Variants in CSMD1 observed in about 807,000 individuals in gnomAD.
The protein encoded by CSMD1 is CUB and sushi domain-containing protein 1.
Under a neutral mutation model 417.5 loss-of-function variants are expected in CSMD1, and 213 were observed. The ratio of observed to expected loss-of-function variants is 0.51; its 90% CI spans 0.46 to 0.57. The LOEUF is 0.57. Ranked by LOEUF, CSMD1 falls within the 20% of genes least tolerant of loss-of-function variation. CSMD1 has a pLI of 0.00. For missense variants in CSMD1, 6,923 were observed against 4,529.7 expected (o/e 1.53, Z -15.17); for synonymous variants, 2,862 against 1,736.8 (o/e 1.65, Z -16.11).
chr8:3,616,767 T>G lies in CSMD1; in HGVS notation c.1040A>C (p.Asp347Ala). The stretch of plus-strand genomic sequence containing the variant: ...TGGAATCCCAGGATCTGGACACATG[T>G]CAGAGACCAATGCAACACCTCCTTG... The part of the protein sequence containing the change: ...LSQGGVALVS[D>A]MCPDPGIPEN... The change falls in exon 8 of 70, where the codon GAC becomes GCC. Residue 347 changes from aspartate to alanine, a missense_variant. Asp to Ala is a moderately radical substitution (Grantham distance 126). Transcript: ENST00000635120. The G allele has an allele frequency of 1.2e-6, 2 of 1,612,474 alleles. No homozygotes were observed. Among genetic ancestry groups the G allele is most frequent in the Non-Finnish European group, 1.7e-6 (2 of 1,179,132 alleles).
At position 4,554,214 on chromosome 8, in the gene CSMD1, G is replaced by A. The variant is rs150275865; in HGVS notation, c.302+83128C>T. ...TGCAGTGGAGAAATCTCGGCTCACT[G>A]CAACCTATGCTTCCCGGGTTCAAGT... On this transcript the variant is annotated intron_variant, in intron 2 of 69. Coordinates refer to ENST00000635120, the MANE Select transcript of CSMD1 (RefSeq NM_033225.6). 4.6e-5 allele frequency among the ~76,000 whole-genome samples: 7 copies of A among 152,206 alleles called. No individual in the cohort carries two copies. The East Asian group carries it at 1.4e-3, about 29-fold the overall frequency.
intron 2 of CSMD1, among the ~76,000 whole-genome samples, chr8:4,587,637 G>T (rs945570967): frequency 1.3e-5 from 2 of 152,158 alleles, no homozygotes; most frequent in South Asian, 2.1e-4. Context: ...TCATGATCAC[G>T]ATCTCATTTA....
At chr8:4,164,660 T>C (rs13280168) in intron 3 of CSMD1, among the ~76,000 whole-genome samples, 58,759 of 151,924 alleles carry the variant, frequency 0.39, 11,595 homozygotes, top group Middle Eastern at 0.5. Context: ...CAAGACACGA[T>C]TGAATTTTGA....
chr8:4,633,093 C>T (rs190446877), intron 2 of CSMD1, among the ~76,000 whole-genome samples: 102 of 152,172 alleles, frequency 6.7e-4, no homozygotes, highest in African/African-American at 2.2e-3. Context: ...TCAGTGTTCC[C>T]GAGAGGGGAG....
At chr8:4,123,796 A>C (rs1802614690) in intron 3 of CSMD1, among the ~76,000 whole-genome samples, 1 of 152,170 alleles carries the variant, frequency 6.6e-6, no homozygotes, top group Non-Finnish European at 1.5e-5. Flanking sequence ...ACCCAAAATA[A>C]AATATAATAG....
chr8:3,502,688 G>C (rs1796656791), intron 10 of CSMD1, among the ~76,000 whole-genome samples: 1 of 152,206 alleles, frequency 6.6e-6, no homozygotes, highest in South Asian at 2.1e-4. Flanking sequence ...AAAAAGATTA[G>C]TGATTGTTAG....
intron 18 of CSMD1, among the ~76,000 whole-genome samples, chr8:3,374,745 A>G (rs969498948): frequency 6.6e-6 from 1 of 152,242 alleles, no homozygotes; most frequent in Admixed American, 6.5e-5. Context: ...AACTCATTCC[A>G]GGATCCTACG....
chr8:4,901,742 T>C (rs1261712352), intron 1 of CSMD1, among the ~76,000 whole-genome samples: 1 of 152,180 alleles, frequency 6.6e-6, no homozygotes, highest in Non-Finnish European at 1.5e-5. Flanking sequence ...CATATTAGCA[T>C]AGAGGACGGT....
intron 69 of CSMD1, among the ~76,000 whole-genome samples, chr8:2,939,484 T>C (rs1400366562): frequency 1.3e-5 from 2 of 152,220 alleles, no homozygotes; most frequent in African/African-American, 4.8e-5. Flanking sequence ...GATTAGAGAA[T>C]TAGAGGATTT....
At chr8:4,927,656 C>T (rs528575269) in intron 1 of CSMD1, among the ~76,000 whole-genome samples, 3 of 152,288 alleles carry the variant, frequency 2.0e-5, no homozygotes, top group East Asian at 3.9e-4. Flanking sequence ...GGTATAATTA[C>T]TCAGGTAAGT....
chr8:3,944,277 G>C (rs1159663511), intron 5 of CSMD1, among the ~76,000 whole-genome samples: 1 of 152,112 alleles, frequency 6.6e-6, no homozygotes, highest in East Asian at 1.9e-4. Context: ...GCAAAGTAGA[G>C]AAATCAAACC....
intron 1 of CSMD1, among the ~76,000 whole-genome samples, chr8:4,888,635 A>G (rs576430439): frequency 1.3e-5 from 2 of 152,186 alleles, no homozygotes; most frequent in East Asian, 3.9e-4. Flanking sequence ...AAATTGGTAA[A>G]CAGATCTTCA....
At chr8:3,831,529 C>A (rs1802376388) in intron 5 of CSMD1, among the ~76,000 whole-genome samples, 1 of 152,084 alleles carries the variant, frequency 6.6e-6, no homozygotes, top group African/African-American at 2.4e-5. Flanking sequence ...GGAGAACAGG[C>A]TGGAGGAAAA....
At chr8:3,823,863 A>T in intron 5 of CSMD1, among the ~76,000 whole-genome samples, 1 of 152,282 alleles carries the variant, frequency 6.6e-6, no homozygotes, top group Middle Eastern at 3.4e-3. Flanking sequence ...ACTTAATTTA[A>T]ATACTTTTCT....
intron 3 of CSMD1, among the ~76,000 whole-genome samples, chr8:4,107,562 G>A (rs1000918608): frequency 6.6e-6 from 1 of 152,182 alleles, no homozygotes; most frequent in Non-Finnish European, 1.5e-5. Context: ...AGTAGCACCT[G>A]CTGGCTTCTA....
intron 3 of CSMD1, among the ~76,000 whole-genome samples, chr8:4,209,575 C>T (rs1407135531): frequency 6.6e-6 from 1 of 152,194 alleles, no homozygotes; most frequent in Non-Finnish European, 1.5e-5. Context: ...GGCATTTGTC[C>T]ACCTGCCTTT....
intron 60 of CSMD1, among the ~76,000 whole-genome samples, 198 bp downstream of exon 60, chr8:2,963,024 G>A (rs533178201): frequency 6.6e-6 from 1 of 152,108 alleles, no homozygotes; most frequent in African/African-American, 2.4e-5. Context: ...CTCCATCCTG[G>A]GCAACAGAGT....
At chr8:4,333,130 C>G (rs991803138) in intron 3 of CSMD1, among the ~76,000 whole-genome samples, 1 of 152,018 alleles carries the variant, frequency 6.6e-6, no homozygotes, top group Non-Finnish European at 1.5e-5. Flanking sequence ...AGGTGAAATC[C>G]AGCAACACCT....
At chr8:4,374,246 T>C (rs1354921485) in intron 3 of CSMD1, among the ~76,000 whole-genome samples, 1 of 152,174 alleles carries the variant, frequency 6.6e-6, no homozygotes, top group Admixed American at 6.5e-5. Context: ...TCACCATCAC[T>C]AACGTGTGAG....
Sources: allele counts gnomAD v4.1 joint callset (sites outside exome capture counted in the v4.1 genomes callset), GRCh38; gene constraint gnomAD v4.1.1; transcripts MANE v1.5; gene names NCBI Gene and HGNC (gene_info 2026-07-23, HGNC 2026-07-21).